Variants in EHHADH observed in about 807,000 individuals in gnomAD.
EHHADH encodes enoyl-CoA hydratase and 3-hydroxyacyl CoA dehydrogenase, also known as peroxisomal bifunctional enzyme.
EHHADH carries 48 observed loss-of-function variants against 64.4 expected under a neutral mutation model. The observed-to-expected ratio is 0.75, with a 90% confidence interval of 0.59 to 0.95. EHHADH has a LOEUF of 0.95. EHHADH is among the 40% of genes least tolerant of loss of function. The pLI is 0.00. For missense variants in EHHADH, 854 were observed against 876.6 expected, an observed-to-expected ratio of 0.97 and a Z score of 0.33; for synonymous variants, 308 against 326.7, an observed-to-expected ratio of 0.94 and a Z score of 0.62.
At chr3:185,196,769 G>A (rs1395159362) in intron 6 of EHHADH, among the ~76,000 whole-genome samples, 5 of 152,092 alleles carry the variant, frequency 3.3e-5, no homozygotes, top group African/African-American at 1.2e-4. Context: ...TGGGAGGCCA[G>A]TGCGCAAGGA....
In EHHADH at chr3:185,245,695, T is replaced by C; in HGVS notation, c.178+2719A>G. ...GTTGGAATCTTCCTTTACAAGTTGG[T>C]TATTACCATCTATAGAACCACTTGT... On this transcript the variant is annotated intron_variant, in intron 2 of 6. Transcript: ENST00000231887. 6 of 715,578 alleles carry C rather than the reference T, an allele frequency of 8.4e-6. No homozygotes were observed. The South Asian group carries it at 9.2e-5, about 11-fold the overall frequency. The allele number at this position is 715,578 out of a possible 1,614,324, so 44.3% of individuals were successfully genotyped here.
At chr3:185,229,975 T>C (rs1719108844) in intron 3 of EHHADH, among the ~76,000 whole-genome samples, 1 of 152,090 alleles carries the variant, frequency 6.6e-6, no homozygotes, top group South Asian at 2.1e-4. Flanking sequence ...TACAAATCAA[T>C]AATAAAAGAC....
intron 5 of EHHADH, among the ~76,000 whole-genome samples, chr3:185,208,642 G>C (rs1718460674): frequency 6.6e-6 from 1 of 152,174 alleles, no homozygotes; most frequent in African/African-American, 2.4e-5. Flanking sequence ...AACATAAACT[G>C]ATTGTTCAAC....
Position 185,190,633 on chromosome 3 carries a change from T to G in EHHADH, c.*1593A>C, listed in dbSNP as rs1049458709. 6.6e-6 allele frequency: 1 copy of G among 152,160 alleles called. No individual in the cohort carries two copies. Among genetic ancestry groups the G allele is most frequent in the Admixed American group, 6.5e-5 (1 of 15,280 alleles). 9.4% of individuals were successfully genotyped at this position (152,160 alleles called of 1,614,324 possible). On this transcript the variant is annotated 3_prime_UTR_variant, in exon 7 of 7. Coordinates refer to ENST00000231887, the MANE Select transcript of EHHADH (RefSeq NM_001966.4). The stretch of plus-strand genomic sequence containing the variant: ...CACTTTGGAGACAAAATTACTACTT[T>G]CAGGAATCATTTTTATTGATGTCTT...
intron 4 of EHHADH, among the ~76,000 whole-genome samples, chr3:185,227,694 T>C (rs1016420765): frequency 1.3e-5 from 2 of 151,630 alleles, no homozygotes; most frequent in Non-Finnish European, 2.9e-5. Context: ...GGTGTGGAGG[T>C]GCATGCCTGT....
rs1233411117 is a variant in EHHADH, at chr3:185,216,135, CTTAAT to C, written c.568+1996_568+2000del. ...TTGTAAGTTTTATAAAGTAAAAATG[CTTAAT>C]TTAATGTTTACAATTAATTTTAAAT... is the stretch of plus-strand genomic sequence containing the variant. On this transcript the variant is annotated intron_variant, in intron 5 of 6. Transcript: ENST00000231887. The surrounding 1 kb of genome is among the most constrained non-coding windows in gnomAD (Gnocchi z 5.3). Among the ~76,000 whole-genome samples, 4 of 152,226 alleles carry C rather than the reference CTTAAT, an allele frequency of 2.6e-5. No individual in the cohort carries two copies. The highest frequency in any genetic ancestry group is 3.4e-3 in the Middle Eastern group (1 of 294).
rs1273154284 is a variant in EHHADH, at chr3:185,248,251, T to C, written c.178+163A>G. ...ACTAAGCCCTTCTCTGGGTCTCTCT[T>C]GTAATTCCTGTCCCTTTCTCCACAG... On this transcript the variant is annotated intron_variant, in intron 2 of 6. Transcript: ENST00000231887. 4 of 630,016 alleles carry C rather than the reference T, an allele frequency of 6.3e-6. No individual in the cohort carries two copies. In the East Asian group the frequency reaches 1.1e-4, roughly 17 times the overall value. The allele number at this position is 630,016 out of a possible 1,614,324, so 39.0% of individuals were successfully genotyped here. A position where few individuals can be genotyped will look rare whatever the true frequency, so the allele number is the denominator to read the frequency against.
chr3:185,208,652 C>T (rs1718461149), intron 5 of EHHADH, among the ~76,000 whole-genome samples: 1 of 150,710 alleles, frequency 6.6e-6, no homozygotes, highest in Non-Finnish European at 1.5e-5. Context: ...GATTGTTCAA[C>T]CCAGCAATTT....
At chr3:185,225,516 C>T (rs1718950769) in intron 4 of EHHADH, among the ~76,000 whole-genome samples, 1 of 152,144 alleles carries the variant, frequency 6.6e-6, no homozygotes, top group African/African-American at 2.4e-5. Context: ...CCTCAGTCTT[C>T]CTGTTTTTGT....
intron 3 of EHHADH, 34 bp from the exon 4 acceptor site, chr3:185,229,577 A>T (rs1320694789): frequency 7.6e-7 from 1 of 1,323,494 alleles, no homozygotes; most frequent in African/African-American, 1.5e-5. Flanking sequence ...GGCCATTAGC[A>T]TGAGATGGTA....
At chr3:185,220,704 A>C (rs1173070846) in intron 4 of EHHADH, among the ~76,000 whole-genome samples, 2 of 152,202 alleles carry the variant, frequency 1.3e-5, no homozygotes, top group African/African-American at 2.4e-5. Context: ...TTTTCTTATG[A>C]CATCGTAAGT....
chr3:185,192,458 T>A lies in EHHADH; in HGVS notation c.1940A>T (p.Asp647Val). 3 of 1,614,190 alleles carry A rather than the reference T, an allele frequency of 1.9e-6. No individual in the cohort carries two copies. The South Asian group carries it at 3.3e-5, about 18-fold the overall frequency. The change falls in exon 7 of 7, where the codon GAT becomes GTT. Residue 647 changes from aspartate to valine, a missense_variant. Asp to Val is a radical substitution (Grantham distance 152, BLOSUM62 -3). Coordinates refer to ENST00000231887, the MANE Select transcript of EHHADH (RefSeq NM_001966.4). ...TCCATATCCATGTAAATAGACAACA[T>A]CAATGTGCTCTGGGCTAGCAGCTAT... ...EGIAASPEHI[D>V]VVYLHGYGWP...
chr3:185,223,352 AAATATTTTCTTTTCTAGTTTAG>A (rs1268310452), intron 4 of EHHADH, among the ~76,000 whole-genome samples: 1 of 152,128 alleles, frequency 6.6e-6, no homozygotes, highest in Non-Finnish European at 1.5e-5. Context: ...TTATTTAACA[AAATATTTTCTTTTCTAGTTTAG>A]AATAATGTGA....
At chr3:185,225,095 G>A (rs1469535451) in intron 4 of EHHADH, among the ~76,000 whole-genome samples, 3 of 152,128 alleles carry the variant, frequency 2.0e-5, no homozygotes, top group Non-Finnish European at 2.9e-5. Context: ...AAACAACCAT[G>A]TGGTTGTTTA....
intron 2 of EHHADH, chr3:185,246,412 A>G (rs1434794160): frequency 3.5e-6 from 2 of 575,308 alleles, no homozygotes; most frequent in Non-Finnish European, 5.5e-6. Flanking sequence ...TGCTCACAGT[A>G]GGATCAAAAA....
chr3:185,253,980 G>C lies in EHHADH; in HGVS notation c.43C>G (p.Arg15Gly). 1 of 1,613,996 alleles carries C rather than the reference G, an allele frequency of 6.2e-7. No homozygotes were observed. The highest frequency in any genetic ancestry group is 8.5e-7 in the Non-Finnish European group (1 of 1,179,960). ...TRLHNALALIRLRNPPVNAIS... is the reference protein window; with the variant it reads ...TRLHNALALIGLRNPPVNAIS... ...GCGTTGACCGGCGGGTTTCGGAGGCGGATTAGCGCCAAGGCGTTGTGCAGC... is the reference window on the plus strand; with the variant it reads ...GCGTTGACCGGCGGGTTTCGGAGGCCGATTAGCGCCAAGGCGTTGTGCAGC... The change falls in exon 1 of 7, where the codon CGC becomes GGC. Residue 15 changes from arginine to glycine, a missense_variant. Transcript: ENST00000231887.
rs1444308038 is a variant in EHHADH, at chr3:185,216,995, G to A, written c.568+1141C>T. ...AGTCCATAAAGTAAGAAACCACTGA[G>A]AGAAGGACATAACTCAGTTTGCGGA... On this transcript the variant is annotated intron_variant, in intron 5 of 6. Coordinates refer to ENST00000231887, the MANE Select transcript of EHHADH (RefSeq NM_001966.4). The surrounding 1 kb of genome is among the most constrained non-coding windows in gnomAD (Gnocchi z 5.3). 2.0e-5 allele frequency among the ~76,000 whole-genome samples: 3 copies of A among 148,348 alleles called. No individual in the cohort carries two copies. In the East Asian group the frequency reaches 5.9e-4, roughly 29 times the overall value.
chr3:185,228,257 A>AAAAATATATATATATAT (rs1367786172), intron 4 of EHHADH, among the ~76,000 whole-genome samples: 1 of 22,008 alleles, frequency 4.5e-5, no homozygotes. Flanking sequence ...AAAAAAAAAA[A>AAAAATATATATATATAT]ATATATATAT....
intron 2 of EHHADH, among the ~76,000 whole-genome samples, 155 bp from the exon 3 acceptor site, chr3:185,235,617 T>C (rs1485588372): frequency 3.3e-5 from 5 of 152,188 alleles, no homozygotes; most frequent in Non-Finnish European, 7.3e-5. Flanking sequence ...TCAGACCTCT[T>C]TGGGCCCTTA....
Sources: allele counts gnomAD v4.1 joint callset (sites outside exome capture counted in the v4.1 genomes callset), GRCh38; gene constraint gnomAD v4.1.1; non-coding constraint Gnocchi (gnomAD v3.1); transcripts MANE v1.5; gene names NCBI Gene and HGNC (gene_info 2026-07-23, HGNC 2026-07-21).